DUSP11: variants seen among roughly 807,000 people sequenced by gnomAD.
The protein encoded by DUSP11 is dual specificity phosphatase 11.
A neutral mutation model predicts 41.4 loss-of-function variants in DUSP11; 27 were observed. The observed-to-expected ratio is 0.65, with a 90% CI of 0.48 to 0.90. The LOEUF is 0.90. DUSP11 is among the 40% of genes least tolerant of loss of function. DUSP11 has a pLI of 0.00. For missense variants in DUSP11, 465 were observed against 461.1 expected, an observed-to-expected ratio of 1.01 and a Z score of -0.08; for synonymous variants, 188 against 159.3, an observed-to-expected ratio of 1.18 and a Z score of -1.35.
chr2:73,778,463 G>A (rs1276020465), intron 1 of DUSP11, 87 bp from the exon 2 acceptor site: 2 of 809,042 alleles, frequency 2.5e-6, no homozygotes, highest in East Asian at 3.1e-5. Flanking sequence ...GGGAATCATA[G>A]CCCGCACAAC....
chr2:73,763,787 C>T (rs916464289), intron 8 of DUSP11, among the ~76,000 whole-genome samples: 2 of 152,168 alleles, frequency 1.3e-5, no homozygotes, highest in African/African-American at 4.8e-5. Context: ...GCAGAGCCCT[C>T]AATCCCACTT....
At chr2:73,767,050 T>C (rs1020429718) in intron 6 of DUSP11, 111 bp downstream of exon 6, 3 of 1,295,642 alleles carry the variant, frequency 2.3e-6, no homozygotes, top group South Asian at 2.5e-5. Flanking sequence ...CTATCTTATA[T>C]TGGAACAAAC....
intron 2 of DUSP11, among the ~76,000 whole-genome samples, chr2:73,777,992 C>T (rs569186814): frequency 8.5e-5 from 13 of 152,100 alleles, no homozygotes; most frequent in Admixed American, 3.9e-4. Flanking sequence ...GAATTCATGG[C>T]GCAGGCAACT....
At chr2:73,775,619 G>T (rs959744396) in intron 2 of DUSP11, among the ~76,000 whole-genome samples, 1 of 150,156 alleles carries the variant, frequency 6.7e-6, no homozygotes, top group Non-Finnish European at 1.5e-5. Context: ...ACTTTGGGAG[G>T]CCAAGGCGGG....
Position 73,780,024 on chromosome 2 carries a change from AG to A in DUSP11, c.91del (p.Leu31TrpfsTer18). 1 of 1,614,084 alleles carries A rather than the reference AG, an allele frequency of 6.2e-7. No homozygotes were observed. The highest frequency in any genetic ancestry group is 1.6e-4 in the Middle Eastern group (1 of 6,062). On this transcript the variant is annotated frameshift_variant, in exon 1 of 9. In the 5' UTR this introduces an upstream ATG that the reference lacks. Coordinates refer to ENST00000272444, the Ensembl canonical transcript of DUSP11. LOFTEE classifies it high-confidence loss of function. ...CAATGCCAAGTCGGCCAAAAGCGCC[AG>A]TCCGGCGCCCTCAATGCCAGGATAA...
At chr2:73,768,589 A>C (rs977317441) in intron 5 of DUSP11, 19 of 985,282 alleles carry the variant, frequency 1.9e-5, no homozygotes, top group African/African-American at 3.5e-5. Flanking sequence ...TCACTACTTC[A>C]ATGTTTTATA....
At position 73,766,484 on chromosome 2, in the gene DUSP11, T is replaced by G. The variant is rs746542447; in HGVS notation, c.869A>C (p.Gln290Pro). Reference sequence around the variant, plus strand: ...TCGAGGAGCTGAGTGACCCTGGATCTGATGTAGATTATACCTAGGTCCTTG... The same window carrying G: ...TCGAGGAGCTGAGTGACCCTGGATCGGATGTAGATTATACCTAGGTCCTTG... The change falls in exon 8 of 9, where the codon CAG becomes CCG. Residue 290 changes from glutamine (Q) to proline (P), a missense_variant. By Grantham distance (76) the Gln-to-Pro change is moderately conservative. Transcript: ENST00000272444. 1.9e-6 allele frequency: 3 copies of G among 1,614,158 alleles called. No individual in the cohort carries two copies. The South Asian group carries it at 3.3e-5, about 18-fold the overall frequency.
At chr2:73,763,541 T>C (rs1175180122) in intron 8 of DUSP11, among the ~76,000 whole-genome samples, 1 of 152,134 alleles carries the variant, frequency 6.6e-6, no homozygotes, top group Non-Finnish European at 1.5e-5. Context: ...CTGACTAACA[T>C]GGAGAAACCC....
intron 2 of DUSP11, among the ~76,000 whole-genome samples, chr2:73,776,028 A>C (rs1419822342): frequency 6.6e-6 from 1 of 152,036 alleles, no homozygotes; most frequent in Non-Finnish European, 1.5e-5. Flanking sequence ...ATTGCTGAAT[A>C]TTCTTTTATG....
intron 8 of DUSP11, among the ~76,000 whole-genome samples, chr2:73,765,731 C>T (rs1672448814): frequency 6.6e-6 from 1 of 152,154 alleles, no homozygotes; most frequent in Non-Finnish European, 1.5e-5. Flanking sequence ...TTTGCTATTT[C>T]TCTATTAGGA....
At chr2:73,777,013 C>T (rs1044627513) in intron 2 of DUSP11, among the ~76,000 whole-genome samples, 1 of 152,168 alleles carries the variant, frequency 6.6e-6, no homozygotes, top group African/African-American at 2.4e-5. Context: ...CAGGGTCTTG[C>T]TCTGTTGCCC....
chr2:73,766,428 G>A lies in DUSP11; in HGVS notation c.925C>T (p.Gln309Ter). ...AACAGAGAGAGGTACCTGACTGATT[G>A]TTGCAAACTTTGGGTCTGGGTGTGG... Residue 309 changes from glutamine to a stop codon, truncating the protein, a stop_gained, in exon 8 of 9, where the codon CAA becomes TAA. Transcript: ENST00000272444. LOFTEE classifies it low-confidence loss of function (END_TRUNC). 2 of 1,610,594 alleles carry A rather than the reference G, an allele frequency of 1.2e-6. No homozygotes were observed. Among genetic ancestry groups the A allele is most frequent in the Non-Finnish European group, 1.7e-6 (2 of 1,179,026 alleles).
intron 1 of DUSP11, 178 bp downstream of exon 1, chr2:73,779,696 C>T (rs1240210727): frequency 2.2e-6 from 2 of 911,606 alleles, no homozygotes; most frequent in Middle Eastern, 3.4e-4. Flanking sequence ...CACAGGACAT[C>T]ACAGACATCG....
At chr2:73,777,243 A>G (rs377666191) in intron 2 of DUSP11, among the ~76,000 whole-genome samples, 17 of 152,308 alleles carry the variant, frequency 1.1e-4, no homozygotes, top group African/African-American at 3.8e-4. Flanking sequence ...CTCCCAAAGT[A>G]CTGGATTACA....
chr2:73,768,489 C>T (rs1288354767), intron 5 of DUSP11: 1 of 985,278 alleles, frequency 1.0e-6, no homozygotes, highest in Non-Finnish European at 1.2e-6. Context: ...AGCATAACGA[C>T]ACATACTATT....
chr2:73,769,737 T>C (rs1672536614), intron 4 of DUSP11, among the ~76,000 whole-genome samples: 2 of 152,238 alleles, frequency 1.3e-5, no homozygotes, highest in African/African-American at 4.8e-5. Context: ...CATAGTACTC[T>C]TGAGTTCCCG....
intron 8 of DUSP11, among the ~76,000 whole-genome samples, chr2:73,764,976 G>T (rs1271675395): frequency 6.6e-6 from 1 of 152,102 alleles, no homozygotes; most frequent in African/African-American, 2.4e-5. Context: ...CAAAAAAAAA[G>T]CAAACAAAAC....
Position 73,767,143 on chromosome 2 carries a change from G to C in DUSP11, c.682+18C>G. 6.3e-7 allele frequency: 1 copy of C among 1,599,068 alleles called. No homozygotes were observed. The highest frequency in any genetic ancestry group is 1.1e-5 in the South Asian group (1 of 89,704). On this transcript the variant is annotated intron_variant, in intron 6 of 8. Transcript: ENST00000272444. Reference sequence around the variant, plus strand: ...AACTTTAATAAAAGGGAAAAATAGTGTCAACCCTCATACTTACATTCAATT... The same window carrying C: ...AACTTTAATAAAAGGGAAAAATAGTCTCAACCCTCATACTTACATTCAATT...
chr2:73,764,720 A>C (rs1333342244), intron 8 of DUSP11, among the ~76,000 whole-genome samples: 3 of 152,176 alleles, frequency 2.0e-5, no homozygotes, highest in Non-Finnish European at 4.4e-5. Flanking sequence ...TAATCCCAGC[A>C]CTTTGGGAGG....
Sources: allele counts gnomAD v4.1 joint callset (sites outside exome capture counted in the v4.1 genomes callset), GRCh38; gene constraint gnomAD v4.1.1; transcripts MANE v1.5; gene names NCBI Gene and HGNC (gene_info 2026-07-23, HGNC 2026-07-21).